Variants in RGS6 observed in about 807,000 individuals in gnomAD.
RGS6 encodes regulator of G protein signaling 6.
A neutral mutation model predicts 78.5 loss-of-function variants in RGS6; 30 were observed. That is an observed-to-expected ratio of 0.38 (90% CI 0.29 to 0.52). The LOEUF is 0.52. Among genes scored for constraint, RGS6 ranks in the 20% least tolerant of loss-of-function variants. RGS6 has a pLI of 0.85. For missense variants in RGS6, 495 were observed against 609.7 expected (o/e 0.81, Z 1.98); for synonymous variants, 206 against 206.0 (o/e 1.00, Z 0.00).
intron 1 of RGS6, among the ~76,000 whole-genome samples, chr14:71,944,001 G>C (rs1041569509): frequency 6.6e-5 from 10 of 152,158 alleles, no homozygotes; most frequent in Non-Finnish European, 1.0e-4. Context: ...TCATATCCAT[G>C]ATATAGTGAG....
chr14:72,002,507 T>C (rs28410983), intron 2 of RGS6, among the ~76,000 whole-genome samples: 5,658 of 152,238 alleles, frequency 0.037, 338 homozygotes, highest in African/African-American at 0.13. Context: ...CCACAGTCTT[T>C]ACATGATAGT....
At chr14:71,868,532 A>G in the RGS6 span, among the ~76,000 whole-genome samples, 1 of 152,208 alleles carries the variant, frequency 6.6e-6, no homozygotes, top group Non-Finnish European at 1.5e-5. Flanking sequence ...TTTTACATCA[A>G]TGGTATGCTC....
intron 15 of RGS6, among the ~76,000 whole-genome samples, chr14:72,520,531 A>T (rs775543434): frequency 6.6e-6 from 1 of 152,244 alleles, no homozygotes; most frequent in Non-Finnish European, 1.5e-5. Context: ...TTACAAAACA[A>T]CAACGTACTA....
intron 15 of RGS6, among the ~76,000 whole-genome samples, chr14:72,532,907 A>G (rs1023572431): frequency 6.6e-6 from 1 of 152,280 alleles, no homozygotes; most frequent in Non-Finnish European, 1.5e-5. Flanking sequence ...GGGCAAAGTG[A>G]AACAGCAAGT....
In RGS6 at chr14:72,364,024, A is replaced by AC. The variant is rs1182685604; in HGVS notation, c.184+11830_184+11831insC. On this transcript the variant is annotated intron_variant, in intron 3 of 17. Transcript: ENST00000553525. ...TAAAAAAAAAAAAAAAAAAAAAAAA[A>AC]AACTCTATATTTATATGATGGAGTT... is the stretch of plus-strand genomic sequence containing the variant. Among the ~76,000 whole-genome samples the AC allele has an allele frequency of 2.6e-5, 4 of 150,988 alleles. No homozygotes were observed. The Admixed American group carries it at 2.7e-4, about 10-fold the overall frequency.
At chr14:72,329,686 C>T (rs1350476650) in intron 2 of RGS6, among the ~76,000 whole-genome samples, 1 of 152,204 alleles carries the variant, frequency 6.6e-6, no homozygotes, top group Non-Finnish European at 1.5e-5. Flanking sequence ...GTTGGCTAAA[C>T]CCATAGTGTG....
intron 2 of RGS6, among the ~76,000 whole-genome samples, chr14:72,276,993 T>A (rs1567642867): frequency 2.0e-5 from 3 of 152,236 alleles, no homozygotes; most frequent in Admixed American, 1.3e-4. Context: ...TTGTCTTTTT[T>A]GTGCACTGAT....
chr14:72,238,428 G>A (rs543709838), intron 2 of RGS6, among the ~76,000 whole-genome samples: 32 of 152,222 alleles, frequency 2.1e-4, no homozygotes, highest in Middle Eastern at 6.8e-3. Context: ...TGTCTGTATC[G>A]CTATGTCAGT....
intron 2 of RGS6, among the ~76,000 whole-genome samples, chr14:72,081,528 G>T (rs1359701344): frequency 1.3e-5 from 2 of 152,074 alleles, no homozygotes; most frequent in African/African-American, 4.8e-5. Context: ...ATTCAGATGT[G>T]TGTGAACACT....
chr14:72,210,255 A>C (rs752340288), intron 2 of RGS6, among the ~76,000 whole-genome samples: 2 of 152,232 alleles, frequency 1.3e-5, no homozygotes, highest in African/African-American at 2.4e-5. Context: ...CAAGTTATTC[A>C]GAGAAGGATG....
chr14:72,465,853 AAGAAG>A (rs746333897), intron 7 of RGS6, 31 bp downstream of exon 7: 209 of 1,558,206 alleles, frequency 1.3e-4, no homozygotes, highest in Non-Finnish European at 1.8e-4. Context: ...GGATACATAT[AAGAAG>A]AGAGTAAAAT....
the RGS6 span, among the ~76,000 whole-genome samples, chr14:71,896,577 G>A: frequency 6.6e-6 from 1 of 152,176 alleles, no homozygotes; most frequent in Non-Finnish European, 1.5e-5. Context: ...GACTTAGAAT[G>A]CCTTAGCTGT....
intron 17 of RGS6, among the ~76,000 whole-genome samples, chr14:72,558,023 G>A (rs1599154728): frequency 2.0e-5 from 3 of 151,900 alleles, no homozygotes; most frequent in South Asian, 4.2e-4. Context: ...AATTATGCAC[G>A]GTAAAATGAA....
intron 3 of RGS6, among the ~76,000 whole-genome samples, chr14:72,362,433 G>A (rs187459371): frequency 5.9e-5 from 9 of 152,248 alleles, no homozygotes; most frequent in East Asian, 3.9e-4. Context: ...TCCATGAACC[G>A]GCAATCTGGG....
intron 3 of RGS6, among the ~76,000 whole-genome samples, chr14:72,452,480 G>T (rs999358575): frequency 6.6e-6 from 1 of 152,202 alleles, no homozygotes; most frequent in African/African-American, 2.4e-5. Context: ...TGGACCCAGA[G>T]AGAAACAAAA....
chr14:72,215,858 A>G (rs2045435449), intron 2 of RGS6, among the ~76,000 whole-genome samples: 1 of 152,228 alleles, frequency 6.6e-6, no homozygotes, highest in African/African-American at 2.4e-5. Context: ...ATATTTAAGA[A>G]TGTTAGCACA....
At chr14:72,255,011 G>A (rs1337676166) in intron 2 of RGS6, among the ~76,000 whole-genome samples, 2 of 152,340 alleles carry the variant, frequency 1.3e-5, no homozygotes, top group East Asian at 3.9e-4. Context: ...GGATTTTATG[G>A]TTTTGAGGCT....
chr14:71,951,705 A>G (rs2092334740), intron 1 of RGS6, among the ~76,000 whole-genome samples: 1 of 152,194 alleles, frequency 6.6e-6, no homozygotes, highest in South Asian at 2.1e-4. Context: ...TAATGTTTTT[A>G]CAGTGTTGGC....
intron 5 of RGS6, among the ~76,000 whole-genome samples, chr14:72,459,323 G>A (rs1042122108): frequency 1.6e-4 from 25 of 152,164 alleles, no homozygotes; most frequent in African/African-American, 4.8e-4. Flanking sequence ...GGGCTTAGGT[G>A]CCCAGTAAGT....
Sources: allele counts gnomAD v4.1 joint callset (sites outside exome capture counted in the v4.1 genomes callset), GRCh38; gene constraint gnomAD v4.1.1; transcripts MANE v1.5; gene names NCBI Gene and HGNC (gene_info 2026-07-23, HGNC 2026-07-21).